The following COL24A1 variants were observed in gnomAD, a reference collection of about 807,000 sequenced individuals.
COL24A1 encodes collagen alpha-1(XXIV) chain.
Under a neutral mutation model 253.9 loss-of-function variants are expected in COL24A1, and 224 were observed. The observed-to-expected ratio is 0.88, with a 90% CI of 0.79 to 0.99. The LOEUF is 0.99. Among genes scored for constraint, COL24A1 ranks in the 50% least tolerant of loss-of-function variants. The pLI, the probability that COL24A1 is intolerant of heterozygous loss-of-function variation, is 0.00. For synonymous variants in COL24A1, 685 were observed against 673.7 expected (o/e 1.02, Z -0.26); for missense variants, 2,131 against 2,068.5 (o/e 1.03, Z -0.59).
At chr1:85,800,217 T>G (rs1242310944) in intron 47 of COL24A1, among the ~76,000 whole-genome samples, 3 of 152,180 alleles carry the variant, frequency 2.0e-5, no homozygotes, top group Non-Finnish European at 4.4e-5. Flanking sequence ...ATTCTCACAT[T>G]TAAAAATAAC....
chr1:85,740,614 T>C (rs1664502985), intron 57 of COL24A1, among the ~76,000 whole-genome samples: 1 of 151,862 alleles, frequency 6.6e-6, no homozygotes, highest in Non-Finnish European at 1.5e-5. Context: ...CATTCCACCA[T>C]GGCTGGCCAA....
At chr1:86,048,051 A>C (rs1204890454) in intron 11 of COL24A1, among the ~76,000 whole-genome samples, 13 of 152,240 alleles carry the variant, frequency 8.5e-5, no homozygotes, top group Admixed American at 7.9e-4. Context: ...GACTTTATGT[A>C]TATTTACATA....
At chr1:85,818,109 G>T in intron 45 of COL24A1, 22 bp from the exon 46 acceptor site, 1 of 1,594,992 alleles carries the variant, frequency 6.3e-7, no homozygotes, top group Non-Finnish European at 8.6e-7. Context: ...AAGCACAGTT[G>T]TCAATTGACT....
chr1:85,835,789 G>A lies in COL24A1; in HGVS notation c.3681+2796C>T, dbSNP rs1178096511. Among the ~76,000 whole-genome samples the A allele has an allele frequency of 4.6e-5, 7 of 152,170 alleles. No homozygotes were observed. The South Asian group carries it at 1.4e-3, about 32-fold the overall frequency. On this transcript the variant is annotated intron_variant, in intron 43 of 59. Transcript: ENST00000370571. ...ATGAGTATGGGGCTTCCTTTTGGAA[G>A]TGTTGAAAATGTTTGGAACTAGACA...
At chr1:85,995,225 G>C (rs183634166) in intron 19 of COL24A1, among the ~76,000 whole-genome samples, 3 of 152,142 alleles carry the variant, frequency 2.0e-5, no homozygotes, top group Middle Eastern at 3.4e-3. Flanking sequence ...GATCACAGGT[G>C]TGTGCCACCA....
At chr1:85,849,128 T>G (rs1487912121) in intron 38 of COL24A1, among the ~76,000 whole-genome samples, 1 of 152,124 alleles carries the variant, frequency 6.6e-6, no homozygotes, top group African/African-American at 2.4e-5. Flanking sequence ...AAAGCCAAGA[T>G]TTTTTACAAA....
Position 85,744,668 on chromosome 1 carries a change from T to C in COL24A1, c.4670A>G (p.Asp1557Gly). Residue 1557 changes from aspartate to glycine, a missense_variant and splice_region_variant, in exon 57 of 60, where the codon GAT becomes GGT. By Grantham distance (94) the Asp-to-Gly change is moderately conservative (BLOSUM62 -1). Coordinates refer to ENST00000370571, the MANE Select transcript of COL24A1 (RefSeq NM_152890.7). Reference sequence around the variant, plus strand: ...GTTTGAGGTAACCAAGAACTTACCATCTGATACTTTTTGTTCACAGTTAAG... The same window carrying C: ...GTTTGAGGTAACCAAGAACTTACCACCTGATACTTTTTGTTCACAGTTAAG... ...DLLNCEQKVS[D>G]GKYWIDPNLG... The C allele has an allele frequency of 3.1e-6, 5 of 1,604,132 alleles. No homozygotes were observed. Among genetic ancestry groups the C allele is most frequent in the African/African-American group, 1.4e-5 (1 of 74,072 alleles).
At chr1:86,009,746 G>A (rs1406902290) in intron 19 of COL24A1, among the ~76,000 whole-genome samples, 2 of 152,262 alleles carry the variant, frequency 1.3e-5, no homozygotes, top group East Asian at 1.9e-4. Flanking sequence ...TGACAACACA[G>A]TAGGTTTGTT....
intron 24 of COL24A1, among the ~76,000 whole-genome samples, chr1:85,914,371 CTCATT>C (rs962400509): frequency 1.4e-5 from 2 of 147,124 alleles, no homozygotes; most frequent in African/African-American, 5.0e-5. Flanking sequence ...TTCTTTTCTT[CTCATT>C]TCTTTTTTTC....
At chr1:85,806,004 G>A (rs1671920667) in intron 47 of COL24A1, among the ~76,000 whole-genome samples, 1 of 151,544 alleles carries the variant, frequency 6.6e-6, no homozygotes, top group Admixed American at 6.6e-5. Context: ...TGAACCAAGG[G>A]GGCGGAGCTT....
chr1:85,755,114 A>T (rs914761463), intron 55 of COL24A1, among the ~76,000 whole-genome samples: 3 of 152,204 alleles, frequency 2.0e-5, no homozygotes, highest in African/African-American at 7.2e-5. Context: ...TCCCATAAAA[A>T]ACCATAAAGG....
At chr1:86,097,773 G>A (rs539785767) in intron 5 of COL24A1, among the ~76,000 whole-genome samples, 10 of 151,670 alleles carry the variant, frequency 6.6e-5, no homozygotes, top group South Asian at 2.1e-4. Context: ...ATCCCTAGAT[G>A]ATCTCATGAA....
chr1:86,112,736 T>C, intron 4 of COL24A1, 116 bp from the exon 5 acceptor site: 1 of 905,672 alleles, frequency 1.1e-6, no homozygotes. Context: ...TTTTTGCTTA[T>C]GTTATTATGT....
chr1:85,748,502 C>T (rs576840889), intron 55 of COL24A1, among the ~76,000 whole-genome samples: 42 of 152,332 alleles, frequency 2.8e-4, no homozygotes, highest in African/African-American at 9.9e-4. Context: ...AAAACCATGT[C>T]TTTAGAACTA....
chr1:85,862,383 A>AT (rs60258985), intron 37 of COL24A1, among the ~76,000 whole-genome samples: 1 of 151,390 alleles, frequency 6.6e-6, no homozygotes. Context: ...AAGACAATGA[A>AT]TTTTTTTAAA....
At chr1:86,081,622 G>T (rs1702648650) in intron 7 of COL24A1, among the ~76,000 whole-genome samples, 1 of 152,150 alleles carries the variant, frequency 6.6e-6, no homozygotes, top group African/African-American at 2.4e-5. Flanking sequence ...GTCTGTACAT[G>T]ATTGAAGAAT....
chr1:85,872,658 C>A (rs1266444470), intron 35 of COL24A1, among the ~76,000 whole-genome samples: 2 of 152,062 alleles, frequency 1.3e-5, no homozygotes, highest in Non-Finnish European at 2.9e-5. Context: ...AAAACGGATC[C>A]CTTTCTTACA....
intron 12 of COL24A1, among the ~76,000 whole-genome samples, chr1:86,042,477 T>A (rs1699576484): frequency 1.3e-5 from 2 of 152,136 alleles, no homozygotes. Context: ...AAATAAATTT[T>A]AACACAAATG....
At chr1:86,135,701 C>A (rs1447822202) in intron 2 of COL24A1, among the ~76,000 whole-genome samples, 1 of 151,956 alleles carries the variant, frequency 6.6e-6, no homozygotes, top group Non-Finnish European at 1.5e-5. Context: ...ATATTGCCTT[C>A]TTTTACTTTT....
Sources: gnomAD v4.1 joint callset for allele counts (sites outside exome capture counted in the v4.1 genomes callset) on GRCh38, gnomAD v4.1.1 for gene constraint, MANE v1.5 for transcripts, NCBI Gene and HGNC (gene_info 2026-07-23, HGNC 2026-07-21) for gene names.